NMNAT2: variants seen among roughly 807,000 people sequenced by gnomAD.
The protein encoded by NMNAT2 is nicotinamide nucleotide adenylyltransferase 2.
Under a neutral mutation model 41.6 loss-of-function variants are expected in NMNAT2, and 11 were observed. The observed-to-expected ratio is 0.26, with a 90% CI of 0.17 to 0.44. The LOEUF is 0.44. Ranked by LOEUF, NMNAT2 falls within the 20% of genes least tolerant of loss-of-function variation. The pLI is 1.00. For missense variants in NMNAT2, 288 were observed against 407.7 expected (o/e 0.71, Z 2.53); for synonymous variants, 148 against 151.2 (o/e 0.98, Z 0.16).
intron 8 of NMNAT2, among the ~76,000 whole-genome samples, chr1:183,270,333 A>T (rs1327133531): frequency 6.6e-6 from 1 of 152,128 alleles, no homozygotes; most frequent in Non-Finnish European, 1.5e-5. Flanking sequence ...GGATGAGTTT[A>T]AAAAGATGCA....
At chr1:183,311,120 ACTATCCACTCCCTTCC>A (rs1483321117) in intron 1 of NMNAT2, among the ~76,000 whole-genome samples, 1 of 152,090 alleles carries the variant, frequency 6.6e-6, no homozygotes, top group African/African-American at 2.4e-5. Flanking sequence ...TTCTTCCTTC[ACTATCCACTCCCTTCC>A]CTTTGTTTTG....
intron 1 of NMNAT2, among the ~76,000 whole-genome samples, chr1:183,393,649 G>A (rs991348447): frequency 1.3e-5 from 2 of 152,082 alleles, no homozygotes; most frequent in Non-Finnish European, 2.9e-5. Flanking sequence ...TCTGCCTCCC[G>A]GGTTCAAGCG....
At chr1:183,360,404 C>T (rs542031752) in intron 1 of NMNAT2, among the ~76,000 whole-genome samples, 4 of 152,238 alleles carry the variant, frequency 2.6e-5, no homozygotes, top group African/African-American at 9.6e-5. Flanking sequence ...ATACTAGCTA[C>T]TCACCTCTTC....
intron 1 of NMNAT2, among the ~76,000 whole-genome samples, chr1:183,410,199 T>A (rs1394851938): frequency 6.7e-6 from 1 of 150,104 alleles, no homozygotes; most frequent in African/African-American, 2.5e-5. Flanking sequence ...GGCGGGTGCC[T>A]GTAGTCCCAG....
At chr1:183,375,735 C>T (rs1194894037) in intron 1 of NMNAT2, among the ~76,000 whole-genome samples, 4 of 152,146 alleles carry the variant, frequency 2.6e-5, no homozygotes, top group African/African-American at 4.8e-5. Context: ...ATCCATTGAA[C>T]GAAGAGTCCA....
rs1660419356 is a variant in NMNAT2 at position 183,252,608 on chromosome 1, G to A, written c.*33C>T. ...GAAACAGGGGGCTGACAAAGATGGA[G>A]GGGCCATTGTGTTGCCGGAGGACGA... On this transcript the variant is annotated 3_prime_UTR_variant, in exon 11 of 11. Transcript: ENST00000287713. 3 of 1,392,972 alleles carry A rather than the reference G, an allele frequency of 2.2e-6. No homozygotes were observed. The highest frequency in any genetic ancestry group is 2.8e-5 in the African/African-American group (2 of 70,742). 86.3% of individuals were successfully genotyped at this position (1,392,972 alleles called of 1,614,324 possible).
chr1:183,310,151 G>T (rs1662079746), intron 1 of NMNAT2, among the ~76,000 whole-genome samples: 1 of 152,172 alleles, frequency 6.6e-6, no homozygotes. Context: ...TAAATCTGGA[G>T]AGTCAACCTG....
chr1:183,275,887 T>C (rs1228943681), intron 8 of NMNAT2, among the ~76,000 whole-genome samples: 1 of 152,158 alleles, frequency 6.6e-6, no homozygotes, highest in Non-Finnish European at 1.5e-5. Flanking sequence ...TTAGCCAGGA[T>C]GGTCTTGATC....
At chr1:183,385,875 G>A (rs902447450) in intron 1 of NMNAT2, among the ~76,000 whole-genome samples, 4 of 152,262 alleles carry the variant, frequency 2.6e-5, no homozygotes, top group African/African-American at 9.6e-5. Flanking sequence ...CCAAGACACA[G>A]TGCCTGTCCT....
chr1:183,321,163 G>A (rs982531892), intron 1 of NMNAT2, among the ~76,000 whole-genome samples: 7 of 152,064 alleles, frequency 4.6e-5, no homozygotes, highest in Non-Finnish European at 7.3e-5. Flanking sequence ...CCATTCCTTC[G>A]TCCCACCAGA....
intron 1 of NMNAT2, among the ~76,000 whole-genome samples, chr1:183,313,903 C>T (rs1387268853): frequency 6.6e-6 from 1 of 152,238 alleles, no homozygotes; most frequent in Non-Finnish European, 1.5e-5. Context: ...AAGCAGAAAT[C>T]TCTGCTTCCA....
chr1:183,292,322 A>C (rs1364868839), intron 3 of NMNAT2, among the ~76,000 whole-genome samples: 1 of 152,212 alleles, frequency 6.6e-6, no homozygotes, highest in Non-Finnish European at 1.5e-5. Flanking sequence ...GGCTGCCCTT[A>C]GGGGCAGGCC....
intron 1 of NMNAT2, among the ~76,000 whole-genome samples, chr1:183,365,703 A>G (rs1466573861): frequency 6.6e-6 from 1 of 152,078 alleles, no homozygotes; most frequent in Non-Finnish European, 1.5e-5. Context: ...TTGCCACTGC[A>G]CTACAGCCTG....
At chr1:183,385,037 A>T (rs943552412) in intron 1 of NMNAT2, among the ~76,000 whole-genome samples, 1 of 152,102 alleles carries the variant, frequency 6.6e-6, no homozygotes, top group Admixed American at 6.5e-5. Flanking sequence ...CTCTACAAAA[A>T]ATAAAAATAA....
intron 1 of NMNAT2, among the ~76,000 whole-genome samples, chr1:183,305,461 C>G (rs1661972939): frequency 6.6e-6 from 1 of 152,154 alleles, no homozygotes; most frequent in Non-Finnish European, 1.5e-5. Flanking sequence ...CTATTTTATT[C>G]TACACTTTTA....
chr1:183,364,108 C>T (rs757478583), intron 1 of NMNAT2, among the ~76,000 whole-genome samples: 1 of 152,136 alleles, frequency 6.6e-6, no homozygotes, highest in African/African-American at 2.4e-5. Flanking sequence ...AATGTGTGGC[C>T]AGACTGATAA....
At chr1:183,277,784 C>A (rs1481031776) in intron 8 of NMNAT2, among the ~76,000 whole-genome samples, 1 of 151,950 alleles carries the variant, frequency 6.6e-6, no homozygotes, top group African/African-American at 2.4e-5. Context: ...AGATTAAAAA[C>A]AAACAAACAA....
At chr1:183,280,138 G>A (rs1358727327) in intron 7 of NMNAT2, among the ~76,000 whole-genome samples, 1 of 152,206 alleles carries the variant, frequency 6.6e-6, no homozygotes, top group African/African-American at 2.4e-5. Flanking sequence ...CTCCCCAACT[G>A]TGGAGAGGAA....
intron 1 of NMNAT2, among the ~76,000 whole-genome samples, chr1:183,298,755 T>A (rs1014333155): frequency 6.6e-6 from 1 of 152,186 alleles, no homozygotes; most frequent in African/African-American, 2.4e-5. Flanking sequence ...GATGGCATAG[T>A]CTAGTGGTTA....
Sources: gnomAD v4.1 joint callset for allele counts (sites outside exome capture counted in the v4.1 genomes callset) on GRCh38, gnomAD v4.1.1 for gene constraint, MANE v1.5 for transcripts, NCBI Gene and HGNC (gene_info 2026-07-23, HGNC 2026-07-21) for gene names.